MOK: variants seen among roughly 807,000 people sequenced by gnomAD.
The protein encoded by MOK is MOK protein kinase, also known as MAPK/MAK/MRK overlapping kinase.
A neutral mutation model predicts 54.2 loss-of-function variants in MOK; 59 were observed. That is an observed-to-expected ratio of 1.09 (90% confidence interval 0.88 to 1.35). The LOEUF (loss-of-function observed/expected upper bound fraction) is 1.35, where lower values mean the gene tolerates loss of function less well. Among genes scored for constraint, MOK ranks in the 40% most tolerant of loss-of-function variants. The pLI, the probability that MOK is intolerant of heterozygous loss-of-function variation, is 0.00. For synonymous variants in MOK, 210 were observed against 202.7 expected (o/e 1.04, Z -0.31); for missense variants, 517 against 526.2 (o/e 0.98, Z 0.17).
At chr14:102,269,615 G>A (rs1359426111) in intron 2 of MOK, among the ~76,000 whole-genome samples, 1 of 151,852 alleles carries the variant, frequency 6.6e-6, no homozygotes, top group Non-Finnish European at 1.5e-5. Flanking sequence ...TGGGATTATA[G>A]GCACCTGCCA....
At chr14:102,239,898 A>C (rs548386488) in intron 7 of MOK, among the ~76,000 whole-genome samples, 6 of 152,006 alleles carry the variant, frequency 3.9e-5, no homozygotes, top group Admixed American at 3.3e-4. Context: ...ACAAAAAAAA[A>C]CCCTTAACCC....
At chr14:102,272,017 C>G (rs1217075536) in intron 2 of MOK, among the ~76,000 whole-genome samples, 2 of 151,786 alleles carry the variant, frequency 1.3e-5, no homozygotes, top group African/African-American at 4.8e-5. Flanking sequence ...TGGCTGGGAC[C>G]ACAGGTGCCT....
At position 102,233,575 on chromosome 14, in the gene MOK, C is replaced by G. The variant is rs988538425; in HGVS notation, c.692+113G>C. On this transcript the variant is annotated intron_variant, in intron 8 of 11. Coordinates refer to ENST00000361847, the MANE Select transcript of MOK (RefSeq NM_014226.3). ...TCAAGTGAACTTGAACCCCTGTAGT[C>G]AGCCAAAGGAGCTCCTGAGAGGGGT... 1.8e-4 allele frequency: 152 copies of G among 841,056 alleles called. No homozygotes were observed. In the African/African-American group the frequency reaches 2.2e-3, roughly 12 times the overall value. The allele number at this position is 841,056 out of a possible 1,614,324, so 52.1% of individuals were successfully genotyped here. A position where few individuals can be genotyped will look rare whatever the true frequency, so the allele number is the denominator to read the frequency against.
chr14:102,300,970 C>T (rs915619063), intron 1 of MOK, among the ~76,000 whole-genome samples: 1 of 152,176 alleles, frequency 6.6e-6, no homozygotes, highest in Non-Finnish European at 1.5e-5. Context: ...GGTGGTGCGC[C>T]TAAAATCCCA....
At position 102,249,153 on chromosome 14, in the gene MOK, C is replaced by T. The variant is rs1270347944; in HGVS notation, c.590+1659G>A. Among the ~76,000 whole-genome samples, 2 of 152,134 alleles carry T rather than the reference C, an allele frequency of 1.3e-5. No individual in the cohort carries two copies. The highest frequency in any genetic ancestry group is 4.8e-5 in the African/African-American group (2 of 41,400). ...CCTTGTGCTTGACCTTTTGTTTCCA[C>T]TTTACCAATAGGTCCGACATGTGTT... On this transcript the variant is annotated intron_variant, in intron 7 of 11. Coordinates refer to ENST00000361847, the MANE Select transcript of MOK (RefSeq NM_014226.3). This position sits in a 1 kb window ranked among gnomAD's most constrained non-coding sequence, Gnocchi z 5.3.
At chr14:102,290,023 C>T (rs930864120) in intron 1 of MOK, among the ~76,000 whole-genome samples, 5 of 151,994 alleles carry the variant, frequency 3.3e-5, no homozygotes, top group African/African-American at 1.2e-4. Context: ...CAAAACAGGT[C>T]TCCACCCTAT....
At chr14:102,294,664 C>T (rs144925835) in intron 1 of MOK, among the ~76,000 whole-genome samples, 18 of 152,074 alleles carry the variant, frequency 1.2e-4, no homozygotes, top group African/African-American at 4.3e-4. Flanking sequence ...GGAGGTCAAT[C>T]ACTCAAAGTC....
chr14:102,291,606 GTGTCTTCA>G (rs1399680118), intron 1 of MOK, among the ~76,000 whole-genome samples: 2 of 152,168 alleles, frequency 1.3e-5, no homozygotes, highest in Non-Finnish European at 2.9e-5. Flanking sequence ...AAGAAGATCA[GTGTCTTCA>G]TTGTGCAGAA....
chr14:102,256,050 G>T (rs914729101), intron 4 of MOK, among the ~76,000 whole-genome samples: 3 of 152,128 alleles, frequency 2.0e-5, no homozygotes, highest in Non-Finnish European at 4.4e-5. Flanking sequence ...CCCCTCCAGC[G>T]AGGGTGGAGA....
the MOK span, among the ~76,000 whole-genome samples, chr14:102,216,181 C>T: frequency 1.5e-3 from 223 of 152,352 alleles, 2 homozygotes; most frequent in African/African-American, 5.1e-3. Flanking sequence ...GAACTATCTG[C>T]ACTTTTTGTC....
intron 1 of MOK, among the ~76,000 whole-genome samples, chr14:102,297,791 T>G (rs1009976659): frequency 6.6e-6 from 1 of 152,236 alleles, no homozygotes; most frequent in Non-Finnish European, 1.5e-5. Context: ...GGCCAGCTGG[T>G]GCTGCTGGCC....
chr14:102,281,310 C>A (rs944885055), intron 2 of MOK, among the ~76,000 whole-genome samples: 1 of 149,716 alleles, frequency 6.7e-6, no homozygotes, highest in African/African-American at 2.5e-5. Context: ...GGTGACAATG[C>A]GAGACTCTGT....
chr14:102,271,858 C>T (rs140811523), intron 2 of MOK, among the ~76,000 whole-genome samples: 26 of 151,532 alleles, frequency 1.7e-4, no homozygotes, highest in Admixed American at 9.2e-4. Flanking sequence ...TGCACCCAGC[C>T]GCAAAACCTA....
chr14:102,277,358 C>T (rs1041784502), intron 2 of MOK: 10 of 152,192 alleles, frequency 6.6e-5, no homozygotes, highest in African/African-American at 2.4e-4. Flanking sequence ...TGCAGTTGCT[C>T]ACACCTATAA....
intron 1 of MOK, among the ~76,000 whole-genome samples, chr14:102,294,203 T>C (rs896307509): frequency 9.9e-5 from 15 of 150,900 alleles, no homozygotes; most frequent in African/African-American, 3.0e-4. Flanking sequence ...TCCCAGCACT[T>C]TGGGAGGCCA....
chr14:102,263,252 G>T (rs192242452), intron 4 of MOK, among the ~76,000 whole-genome samples: 1 of 152,152 alleles, frequency 6.6e-6, no homozygotes, highest in Non-Finnish European at 1.5e-5. Context: ...ACATGCCCAC[G>T]GCGGGGCTGG....
At position 102,230,382 on chromosome 14, in the gene MOK, T is replaced by C. The variant is rs1413161223; in HGVS notation, c.982-725A>G. On this transcript the variant is annotated intron_variant, in intron 10 of 11. Transcript: ENST00000361847. The surrounding 1 kb of genome is among the most constrained non-coding windows in gnomAD (Gnocchi z 4.1). Reference sequence around the variant, plus strand: ...TAATGACTGAAAAAAAAATGTTTCATGGCATGTGAAAATTATGTGAAATTC... The same window carrying C: ...TAATGACTGAAAAAAAAATGTTTCACGGCATGTGAAAATTATGTGAAATTC... The C allele has an allele frequency of 1.3e-5, 2 of 152,210 alleles. No homozygotes were observed. The highest frequency in any genetic ancestry group is 4.8e-5 in the African/African-American group (2 of 41,448). The allele number at this position is 152,210 out of a possible 1,614,324, so 9.4% of individuals were successfully genotyped here. A position where few individuals can be genotyped will look rare whatever the true frequency, so the allele number is the denominator to read the frequency against.
At chr14:102,226,312 G>T (rs780036647), downstream of MOK, 16 of 702,910 alleles carry the variant, frequency 2.3e-5, no homozygotes, top group Non-Finnish European at 3.6e-5. The surrounding 1 kb of genome is among the most constrained non-coding windows in gnomAD (Gnocchi z 4.8). Flanking sequence ...CACTGCGGCC[G>T]GGCAGCATGC....
intron 1 of MOK, among the ~76,000 whole-genome samples, chr14:102,289,643 C>A (rs2070531612): frequency 6.6e-6 from 1 of 152,066 alleles, no homozygotes; most frequent in Non-Finnish European, 1.5e-5. Flanking sequence ...GTGTGTGCCA[C>A]CATACCAAGC....
Sources: gnomAD v4.1 joint callset for allele counts (sites outside exome capture counted in the v4.1 genomes callset) on GRCh38, gnomAD v4.1.1 for gene constraint, Gnocchi (gnomAD v3.1) non-coding constraint, MANE v1.5 for transcripts, NCBI Gene and HGNC (gene_info 2026-07-23, HGNC 2026-07-21) for gene names.